The following NBAS variants were observed in gnomAD, a reference collection of about 807,000 sequenced individuals.
NBAS encodes NBAS subunit of NRZ tethering complex.
NBAS carries 219 observed loss-of-function variants against 302.5 expected under a neutral mutation model. The ratio of observed to expected loss-of-function variants is 0.72; its 90% CI spans 0.65 to 0.81. NBAS has a LOEUF of 0.81. NBAS is among the 30% of genes least tolerant of loss of function. The pLI is 0.00. For synonymous variants in NBAS, 1,118 were observed against 1,021.6 expected, an observed-to-expected ratio of 1.09 and a Z score of -1.80; for missense variants, 2,932 against 2,841.6, an observed-to-expected ratio of 1.03 and a Z score of -0.72.
rs192380344 is a variant in NBAS, at chr2:15,250,200, C to A, written c.5725-11514G>T. On this transcript the variant is annotated intron_variant, in intron 44 of 51. Transcript: ENST00000281513. Reference sequence around the variant, plus strand: ...TGATCTTTGACAAACCTGACAGAAACAAGCAATGGGGAAAGGATTCCCTAT... The same window carrying A: ...TGATCTTTGACAAACCTGACAGAAAAAAGCAATGGGGAAAGGATTCCCTAT... 1.5e-4 allele frequency among the ~76,000 whole-genome samples: 23 copies of A among 152,254 alleles called. No homozygotes were observed. The East Asian group carries it at 4.4e-3, about 29-fold the overall frequency.
chr2:14,925,068 G>T, the NBAS span, among the ~76,000 whole-genome samples: 6 of 152,132 alleles, frequency 3.9e-5, no homozygotes, highest in Non-Finnish European at 8.8e-5. Flanking sequence ...CTTTCCCAAG[G>T]CTTCATGAAA....
chr2:15,330,751 A>G lies in NBAS; in HGVS notation c.4194T>C (p.Val1398=), dbSNP rs753216332. Residue 1398 remains valine (V), a synonymous_variant, in exon 36 of 52, where the codon GTT becomes GTC. Coordinates refer to ENST00000281513, the MANE Select transcript of NBAS (RefSeq NM_015909.4). ...SKAVQEDEVG[V]PGSNSADLLR... ...ATAGGTCAGCTGAATTGCTACCTGG[A>G]ACACCTACTTCATCCTGTATTAAAG... 4.3e-6 allele frequency: 7 copies of G among 1,613,856 alleles called. No individual in the cohort carries two copies. The Admixed American group carries it at 8.3e-5, about 19-fold the overall frequency.
chr2:15,163,673 T>C (rs1663947878), downstream of NBAS, among the ~76,000 whole-genome samples: 1 of 152,156 alleles, frequency 6.6e-6, no homozygotes. Flanking sequence ...CTACAGAGAA[T>C]GTTAACGGTG....
chr2:15,491,329 G>A (rs1680844695), intron 11 of NBAS, among the ~76,000 whole-genome samples: 1 of 152,344 alleles, frequency 6.6e-6, no homozygotes, highest in South Asian at 2.1e-4. Context: ...GTCACAGGGA[G>A]AATGTGAACA....
chr2:14,800,637 C>A, the NBAS span, among the ~76,000 whole-genome samples: 1 of 152,156 alleles, frequency 6.6e-6, no homozygotes, highest in South Asian at 2.1e-4. Context: ...CAATTTGTGA[C>A]ACTTTATTAC....
chr2:15,502,224 T>C (rs1395141352), intron 11 of NBAS, among the ~76,000 whole-genome samples: 1 of 152,174 alleles, frequency 6.6e-6, no homozygotes, highest in Non-Finnish European at 1.5e-5. Context: ...AAAGCAGGCA[T>C]CATAATGCCA....
At chr2:14,941,575 G>A in the NBAS span, among the ~76,000 whole-genome samples, 10 of 152,132 alleles carry the variant, frequency 6.6e-5, no homozygotes, top group East Asian at 1.9e-4. Flanking sequence ...GTCTGCTGAC[G>A]GGCTCAAAAT....
chr2:15,427,461 G>A lies in NBAS; in HGVS notation c.2423+250C>T, dbSNP rs187012153. Among the ~76,000 whole-genome samples, 28 of 152,198 alleles carry A rather than the reference G, an allele frequency of 1.8e-4. No homozygotes were observed. The East Asian group carries it at 4.1e-3, about 22-fold the overall frequency. On this transcript the variant is annotated intron_variant, in intron 22 of 51. Transcript: ENST00000281513. Reference sequence around the variant, plus strand: ...TCACTATATGTGAAAGACTGAAAGGGAATAACACAAAATGAAAACAGTTGT... The same window carrying A: ...TCACTATATGTGAAAGACTGAAAGGAAATAACACAAAATGAAAACAGTTGT...
chr2:15,037,740 A>G, the NBAS span, among the ~76,000 whole-genome samples: 9 of 151,986 alleles, frequency 5.9e-5, no homozygotes, highest in South Asian at 8.3e-4. Context: ...TTCTTTCTAC[A>G]TTTTGTGTCT....
chr2:15,444,742 C>T (rs1016804829), intron 21 of NBAS, among the ~76,000 whole-genome samples: 11 of 151,252 alleles, frequency 7.3e-5, no homozygotes, highest in South Asian at 2.1e-4. Flanking sequence ...AGAAAATTTT[C>T]GCAACCTACT....
At chr2:14,783,109 TA>T in the NBAS span, among the ~76,000 whole-genome samples, 2 of 151,750 alleles carry the variant, frequency 1.3e-5, no homozygotes, top group Non-Finnish European at 2.9e-5. Context: ...GAACCGAAAA[TA>T]AAAGTCAAAA....
At chr2:14,888,411 G>A in the NBAS span, among the ~76,000 whole-genome samples, 70 of 151,746 alleles carry the variant, frequency 4.6e-4, no homozygotes, top group African/African-American at 1.1e-3. Flanking sequence ...GATTACAGGC[G>A]TGAGCCACCA....
At chr2:14,875,121 C>T in the NBAS span, among the ~76,000 whole-genome samples, 1 of 151,954 alleles carries the variant, frequency 6.6e-6, no homozygotes, top group Non-Finnish European at 1.5e-5. Flanking sequence ...CACTCAAGAT[C>T]CTAGGGATAT....
chr2:14,848,129 C>T, the NBAS span, among the ~76,000 whole-genome samples: 7,941 of 152,018 alleles, frequency 0.052, 698 homozygotes, highest in African/African-American at 0.18. Context: ...GTGAGCGACG[C>T]AGAAGACGGG....
At chr2:14,844,892 A>T in the NBAS span, among the ~76,000 whole-genome samples, 2 of 152,210 alleles carry the variant, frequency 1.3e-5, no homozygotes, top group East Asian at 3.9e-4. Context: ...CAGTAAAATA[A>T]AATGCTAAGT....
the NBAS span, among the ~76,000 whole-genome samples, chr2:15,032,855 T>C: frequency 1.5e-5 from 2 of 136,414 alleles, no homozygotes; most frequent in Non-Finnish European, 3.0e-5. Context: ...GCTATTTGGC[T>C]GAAAACATGC....
chr2:14,829,463 CCTCA>C, the NBAS span, among the ~76,000 whole-genome samples: 3 of 152,200 alleles, frequency 2.0e-5, no homozygotes, highest in Middle Eastern at 3.4e-3. Flanking sequence ...CACAATTTAT[CCTCA>C]CTATTATCAT....
chr2:15,246,320 G>A (rs1436856021), intron 44 of NBAS, among the ~76,000 whole-genome samples: 1 of 152,178 alleles, frequency 6.6e-6, no homozygotes, highest in Non-Finnish European at 1.5e-5. Context: ...AAATTACCTA[G>A]TTACTTGTAC....
chr2:14,905,649 G>C, the NBAS span, among the ~76,000 whole-genome samples: 11 of 152,220 alleles, frequency 7.2e-5, no homozygotes, highest in African/African-American at 2.7e-4. Flanking sequence ...AATGCCATGT[G>C]AGAAAAGTGA....
Sources: gnomAD v4.1 joint callset for allele counts (sites outside exome capture counted in the v4.1 genomes callset) on GRCh38, gnomAD v4.1.1 for gene constraint, MANE v1.5 for transcripts, NCBI Gene and HGNC (gene_info 2026-07-23, HGNC 2026-07-21) for gene names.